The following PCDH15 variants were observed in gnomAD, a reference collection of about 807,000 sequenced individuals.
PCDH15 encodes protocadherin related 15.
Under a neutral mutation model 178.5 loss-of-function variants are expected in PCDH15, and 129 were observed. That is an observed-to-expected ratio of 0.72 (90% CI 0.63 to 0.84). The LOEUF is 0.84. Ranked by LOEUF, PCDH15 falls within the 40% of genes least tolerant of loss-of-function variation. The pLI is 0.00. For synonymous variants in PCDH15, 800 were observed against 732.0 expected (o/e 1.09, Z -1.50); for missense variants, 2,230 against 2,099.9 (o/e 1.06, Z -1.21).
At chr10:54,524,705 C>T (rs1419204853) in intron 3 of PCDH15, among the ~76,000 whole-genome samples, 8 of 152,134 alleles carry the variant, frequency 5.3e-5, no homozygotes, top group Admixed American at 1.3e-4. Flanking sequence ...ATCCATTCTC[C>T]CCTCAAAATG....
intron 3 of PCDH15, among the ~76,000 whole-genome samples, chr10:54,440,354 A>T (rs2075723959): frequency 6.6e-6 from 1 of 152,040 alleles, no homozygotes; most frequent in Admixed American, 6.6e-5. Context: ...AAAAATTGCC[A>T]GCTAGAGGAA....
At chr10:54,353,120 A>G (rs1391141166) in intron 5 of PCDH15, among the ~76,000 whole-genome samples, 1 of 152,172 alleles carries the variant, frequency 6.6e-6, no homozygotes, top group Non-Finnish European at 1.5e-5. Flanking sequence ...TTTATTGAGA[A>G]AATATCGTTT....
intron 2 of PCDH15, among the ~76,000 whole-genome samples, chr10:55,429,188 T>C (rs995215592): frequency 6.6e-6 from 1 of 152,116 alleles, no homozygotes; most frequent in African/African-American, 2.4e-5. Context: ...TTTTTTTCCT[T>C]TGAATAGATT....
At chr10:54,899,542 G>A (rs1239216838) in intron 2 of PCDH15, among the ~76,000 whole-genome samples, 2 of 149,182 alleles carry the variant, frequency 1.3e-5, no homozygotes, top group African/African-American at 4.9e-5. Context: ...TGTGGCCCAG[G>A]CTGGAGTGCA....
chr10:53,859,106 G>T (rs553754254), intron 27 of PCDH15, among the ~76,000 whole-genome samples: 1 of 151,674 alleles, frequency 6.6e-6, no homozygotes, highest in African/African-American at 2.4e-5. Flanking sequence ...AAACCACCCG[G>T]AACAAGTAGT....
At chr10:53,860,311 TAGTTTAGTGG>T (rs2079019248) in intron 27 of PCDH15, among the ~76,000 whole-genome samples, 1 of 152,194 alleles carries the variant, frequency 6.6e-6, no homozygotes, top group South Asian at 2.1e-4. Flanking sequence ...GCCTTCTTTG[TAGTTTAGTGG>T]AGCCATATGA....
chr10:54,131,681 C>T (rs1321732046), intron 15 of PCDH15, among the ~76,000 whole-genome samples: 1 of 152,134 alleles, frequency 6.6e-6, no homozygotes, highest in Non-Finnish European at 1.5e-5. Context: ...CAAAGTAGTA[C>T]TTGGTAATGC....
chr10:55,424,829 C>T (rs1372095653), intron 2 of PCDH15, among the ~76,000 whole-genome samples: 1 of 151,826 alleles, frequency 6.6e-6, no homozygotes, highest in African/African-American at 2.4e-5. Flanking sequence ...TGCTTGTATT[C>T]CAATTACGTT....
intron 2 of PCDH15, among the ~76,000 whole-genome samples, chr10:54,563,891 A>C (rs1484219139): frequency 6.6e-6 from 1 of 152,210 alleles, no homozygotes; most frequent in Admixed American, 6.6e-5. Flanking sequence ...GTGTTGAAGA[A>C]AAAAACAAAC....
At chr10:54,437,836 T>C (rs2075524254) in intron 3 of PCDH15, among the ~76,000 whole-genome samples, 1 of 152,182 alleles carries the variant, frequency 6.6e-6, no homozygotes, top group Non-Finnish European at 1.5e-5. Flanking sequence ...GGTTTATCAG[T>C]CAAATTTATT....
intron 8 of PCDH15, among the ~76,000 whole-genome samples, chr10:54,278,933 CACTT>C (rs1164811404): frequency 1.3e-5 from 2 of 151,472 alleles, no homozygotes; most frequent in Non-Finnish European, 3.0e-5. Context: ...TAGTTTTCTG[CACTT>C]ACTTGTTGTT....
At chr10:55,197,590 A>G (rs921711779) in intron 1 of PCDH15, among the ~76,000 whole-genome samples, 3 of 152,106 alleles carry the variant, frequency 2.0e-5, no homozygotes, top group Non-Finnish European at 4.4e-5. Context: ...GGGTCACCAA[A>G]CAAAATGTTC....
intron 21 of PCDH15, among the ~76,000 whole-genome samples, chr10:53,975,813 C>T (rs1018066072): frequency 6.6e-5 from 10 of 152,026 alleles, no homozygotes; most frequent in African/African-American, 2.4e-4. Context: ...GTTGTAATTG[C>T]TTTTGGTGAC....
At chr10:54,580,348 G>A (rs986264757) in intron 2 of PCDH15, among the ~76,000 whole-genome samples, 3 of 151,920 alleles carry the variant, frequency 2.0e-5, no homozygotes, top group East Asian at 1.9e-4. Context: ...GGATGCACAC[G>A]AACTAAAAAA....
chr10:54,453,619 C>T (rs950613364), intron 3 of PCDH15, among the ~76,000 whole-genome samples: 3 of 150,350 alleles, frequency 2.0e-5, no homozygotes, highest in Non-Finnish European at 1.5e-5. Context: ...CAAACCTGTA[C>T]GTTGTGCACA....
intron 2 of PCDH15, among the ~76,000 whole-genome samples, chr10:55,472,045 G>C (rs927125279): frequency 6.6e-6 from 1 of 152,154 alleles, no homozygotes; most frequent in Admixed American, 6.5e-5. Context: ...GTTTCTCAGA[G>C]TGTTCTCAGT....
At chr10:54,605,513 A>G (rs2092706006) in intron 2 of PCDH15, among the ~76,000 whole-genome samples, 1 of 152,086 alleles carries the variant, frequency 6.6e-6, no homozygotes, top group Non-Finnish European at 1.5e-5. Flanking sequence ...CAATGATCAT[A>G]GGAGGGTTCC....
At chr10:55,557,353 G>GA (rs1266758217) in intron 2 of PCDH15, among the ~76,000 whole-genome samples, 1 of 151,938 alleles carries the variant, frequency 6.6e-6, no homozygotes, top group Non-Finnish European at 1.5e-5. Context: ...TACTTTTCTG[G>GA]AAAATATTGT....
At chr10:54,262,636 G>C (rs1405891859) in intron 8 of PCDH15, among the ~76,000 whole-genome samples, 1 of 152,160 alleles carries the variant, frequency 6.6e-6, no homozygotes, top group East Asian at 1.9e-4. Flanking sequence ...ACATTGAGCT[G>C]AGATTTGTGA....
Sources: gnomAD v4.1 joint callset for allele counts (sites outside exome capture counted in the v4.1 genomes callset) on GRCh38, gnomAD v4.1.1 for gene constraint, MANE v1.5 for transcripts, NCBI Gene and HGNC (gene_info 2026-07-23, HGNC 2026-07-21) for gene names.